BRWD3: variants seen among roughly 807,000 people sequenced by gnomAD.
BRWD3 encodes the protein bromodomain and WD repeat domain containing 3.
A neutral mutation model predicts 149.7 loss-of-function variants in BRWD3; 10 were observed. That is an observed-to-expected ratio of 0.07 (90% confidence interval 0.04 to 0.11). The LOEUF (loss-of-function observed/expected upper bound fraction) is 0.11. Ranked by LOEUF, BRWD3 falls within the 10% of genes least tolerant of loss-of-function variation. BRWD3 has a pLI of 1.00. For synonymous variants in BRWD3, 504 were observed against 456.7 expected (o/e 1.10, Z -1.32); for missense variants, 940 against 1,373.2 (o/e 0.68, Z 4.99).
At chrX:80,699,418 T>C (rs1362423339) in intron 25 of BRWD3, among the ~76,000 whole-genome samples, 1 of 110,826 alleles carries the variant, frequency 9.0e-6, no homozygotes, top group African/African-American at 3.3e-5. Context: ...TGTATGTGCA[T>C]GTGTGCATAT....
At chrX:80,699,889 A>T in intron 25 of BRWD3, 68 bp downstream of exon 25, 1 of 818,026 alleles carries the variant, frequency 1.2e-6, no homozygotes, top group Non-Finnish European at 1.8e-6. Flanking sequence ...GAGGGGAAAA[A>T]ACCATGGGTA....
chrX:80,709,899 G>T lies in BRWD3; in HGVS notation c.2326-322C>A, dbSNP rs149723008. ...TTCTTGATCCTCAGTTTTGCCAGAG[G>T]CTGCAACCAGACCTGTGCTGGAACC... On this transcript the variant is annotated intron_variant, in intron 20 of 40. Coordinates refer to ENST00000373275, the MANE Select transcript of BRWD3 (RefSeq NM_153252.5). The T allele has an allele frequency of 6.4e-3, 4,337 of 682,969 alleles. 116 individuals carry two copies. The African/African-American group carries it at 0.083, about 13-fold the overall frequency. 56.3% of individuals were successfully genotyped at this position (682,969 alleles called of 1,213,427 possible).
At chrX:80,753,414 C>T (rs965763138) in intron 6 of BRWD3, among the ~76,000 whole-genome samples, 5 of 109,648 alleles carry the variant, frequency 4.6e-5, no homozygotes, top group African/African-American at 1.0e-4. Flanking sequence ...GGATTACAGG[C>T]GGCTGCCACC....
intron 18 of BRWD3, 38 bp downstream of exon 18, chrX:80,719,451 A>G (rs1410013692): frequency 8.9e-7 from 1 of 1,119,268 alleles, no homozygotes; most frequent in Admixed American, 2.2e-5. Flanking sequence ...TAATTACAGT[A>G]CATAAACTAC....
intron 11 of BRWD3, 139 bp downstream of exon 11, chrX:80,733,979 A>C: frequency 2.0e-6 from 1 of 500,598 alleles, no homozygotes; most frequent in Non-Finnish European, 3.6e-6. Context: ...TATAGTATGT[A>C]TAGTAGTAAT....
At chrX:80,762,086 CTT>C (rs996381381) in intron 6 of BRWD3, among the ~76,000 whole-genome samples, 5 of 111,437 alleles carry the variant, frequency 4.5e-5, no homozygotes, top group African/African-American at 1.6e-4. Context: ...ATACAGCTGA[CTT>C]TGGCAATAAA....
chrX:80,723,708 T>A (rs187216483), intron 16 of BRWD3, 40 bp downstream of exon 16: 28 of 1,198,676 alleles, frequency 2.3e-5, no homozygotes, highest in Non-Finnish European at 3.0e-5. Flanking sequence ...AATGACACAA[T>A]CCTAAATTAT....
chrX:80,779,549 C>T (rs987040001), intron 6 of BRWD3, among the ~76,000 whole-genome samples: 3 of 109,927 alleles, frequency 2.7e-5, no homozygotes, highest in Non-Finnish European at 5.7e-5. Flanking sequence ...CCTGTCTCTA[C>T]AAAAAAAATA....
rs1185034544 is a variant in BRWD3 at position 80,690,228 on chromosome X, TTGAC to T, written c.3603-140_3603-137del. The T allele has an allele frequency of 6.5e-6, 4 of 611,382 alleles. No homozygotes were observed. The Admixed American group carries it at 1.2e-4, about 18-fold the overall frequency. The allele number at this position is 611,382 out of a possible 1,213,427, so 50.4% of individuals were successfully genotyped here. A position where few individuals can be genotyped will look rare whatever the true frequency, so the allele number is the denominator to read the frequency against. The stretch of plus-strand genomic sequence containing the variant: ...CCAATATGCATATAACTCAATATAT[TTGAC>T]TGATGAGCACTAAAAAGAGATGATA... On this transcript the variant is annotated intron_variant, in intron 31 of 40. Transcript: ENST00000373275.
chrX:80,758,467 C>T (rs1165407962), intron 6 of BRWD3, among the ~76,000 whole-genome samples: 1 of 111,701 alleles, frequency 9.0e-6, no homozygotes, highest in Non-Finnish European at 1.9e-5. Flanking sequence ...TTTCTATAAC[C>T]TAAATGGCAG....
chrX:80,685,647 T>C (rs2147681329), intron 35 of BRWD3, 111 bp from the exon 36 acceptor site: 2 of 579,411 alleles, frequency 3.5e-6, no homozygotes, highest in East Asian at 3.6e-5. Context: ...GAATCATGTT[T>C]TATCGGCTGT....
At chrX:80,791,513 CAT>C (rs1379264678) in intron 6 of BRWD3, among the ~76,000 whole-genome samples, 2 of 111,316 alleles carry the variant, frequency 1.8e-5, no homozygotes, top group Non-Finnish European at 3.8e-5. Context: ...GAAAACAACA[CAT>C]ATAAATAATG....
intron 25 of BRWD3, among the ~76,000 whole-genome samples, chrX:80,698,657 C>A (rs777210255): frequency 9.3e-6 from 1 of 107,683 alleles, no homozygotes; most frequent in African/African-American, 3.4e-5. Context: ...TGCAGTGAGC[C>A]GAGATCGCTC....
Position 80,689,996 on chromosome X carries a change from A to T in BRWD3, c.3699T>A (p.Ile1233=). The part of the protein sequence containing the change: ...PDSPIVKAAK[I]VTDVLLRFIG... Reference sequence around the variant, plus strand: ...TAAATCGAAGTAAGACATCAGTTACAATTTTAGCTGCTTTAACTATAGGAC... The same window carrying T: ...TAAATCGAAGTAAGACATCAGTTACTATTTTAGCTGCTTTAACTATAGGAC... The change falls in exon 32 of 41, where the codon ATT becomes ATA. Residue 1233 remains isoleucine (I), a synonymous_variant. Coordinates refer to ENST00000373275, the MANE Select transcript of BRWD3 (RefSeq NM_153252.5). 1 of 1,209,498 alleles carries T rather than the reference A, an allele frequency of 8.3e-7. No homozygotes were observed. The highest frequency in any genetic ancestry group is 1.1e-6 in the Non-Finnish European group (1 of 893,818).
At chrX:80,678,472 TA>T (rs1208761617) in intron 40 of BRWD3, among the ~76,000 whole-genome samples, 1 of 110,830 alleles carries the variant, frequency 9.0e-6, no homozygotes, top group Non-Finnish European at 1.9e-5. Context: ...GACATTTTTT[TA>T]AAAAAAAGAA....
Position 80,682,515 on chromosome X carries a change from T to A in BRWD3, c.4347A>T (p.Arg1449Ser), listed in dbSNP as rs1173393399. The change falls in exon 38 of 41, where the codon AGA becomes AGT. Residue 1449 changes from arginine to serine, a missense_variant. Physicochemically the swap from Arg to Ser is moderately radical, Grantham distance 110. This residue lies in a region of BRWD3 where 349 missense variants were observed against 419.6 expected (regional missense o/e 0.83). Transcript: ENST00000373275. ...AACTGCTGCTGCTTCTTAGACGTTT[T>A]CTGTACCGTGGCCTTCTCCTCTTCT... Reference protein sequence around the residue: ...QSQKRRRPRYRKRLRSSSSSL... With the variant: ...QSQKRRRPRYSKRLRSSSSSL... The A allele has an allele frequency of 8.3e-7, 1 of 1,209,156 alleles. No homozygotes were observed. Among genetic ancestry groups the A allele is most frequent in the Non-Finnish European group, 1.1e-6 (1 of 894,565 alleles).
intron 4 of BRWD3, among the ~76,000 whole-genome samples, chrX:80,799,971 A>G (rs1266112864): frequency 9.0e-6 from 1 of 111,492 alleles, no homozygotes; most frequent in East Asian, 2.8e-4. Context: ...CCCTAAGGGA[A>G]CCCATAGTCT....
At chrX:80,705,736 T>C (rs1378565596) in intron 22 of BRWD3, among the ~76,000 whole-genome samples, 5 of 111,519 alleles carry the variant, frequency 4.5e-5, no homozygotes, top group African/African-American at 1.6e-4. Flanking sequence ...TAAGTATATA[T>C]CTACACAATG....
chrX:80,705,918 C>T (rs757827985), intron 22 of BRWD3, among the ~76,000 whole-genome samples: 23 of 111,826 alleles, frequency 2.1e-4, no homozygotes, highest in African/African-American at 7.5e-4. Flanking sequence ...AGAACATTAC[C>T]GTACACTACT....
Sources: gnomAD v4.1 joint callset for allele counts (sites outside exome capture counted in the v4.1 genomes callset) on GRCh38, gnomAD v4.1.1 for gene constraint, gnomAD v4.1.1 regional missense constraint, MANE v1.5 for transcripts, NCBI Gene and HGNC (gene_info 2026-07-23, HGNC 2026-07-21) for gene names.